TRMT13: variants seen among roughly 807,000 people sequenced by gnomAD.
The protein encoded by TRMT13 is tRNA methyltransferase 13, also known as tRNA:m(4)X modification enzyme TRM13 homolog.
TRMT13 carries 45 observed loss-of-function variants against 55.9 expected under a neutral mutation model. The observed-to-expected ratio is 0.80, with a 90% CI of 0.63 to 1.03. The LOEUF is 1.03. TRMT13 is among the 50% of genes least tolerant of loss of function. The probability of loss-of-function intolerance (pLI) is 0.00; values close to 1 mark genes in which losing one functional copy is unlikely to be tolerated. For synonymous variants in TRMT13, 183 were observed against 196.3 expected, an observed-to-expected ratio of 0.93 and a Z score of 0.57; for missense variants, 513 against 563.9, an observed-to-expected ratio of 0.91 and a Z score of 0.91.
Position 100,148,280 on chromosome 1 carries a change from G to A in TRMT13, c.1204G>A (p.Asp402Asn), listed in dbSNP as rs950891502. The part of the protein sequence containing the change: ...NQNDDSEEHD[D>N]GGYRITDDGA... Reference sequence around the variant, plus strand: ...GAATGATGATAGTGAAGAGCATGATGATGGAGGATACAGAATCACAGATGA... The same window carrying A: ...GAATGATGATAGTGAAGAGCATGATAATGGAGGATACAGAATCACAGATGA... Residue 402 changes from aspartate (D) to asparagine (N), a missense_variant, in exon 10 of 11, where the codon GAT (aspartate) becomes AAT (asparagine). Asp to Asn is a conservative substitution (Grantham distance 23). Transcript: ENST00000370141. The A allele has an allele frequency of 4.3e-6, 7 of 1,614,032 alleles. No individual in the cohort carries two copies. In the African/African-American group the frequency reaches 9.3e-5, roughly 22 times the overall value.
At position 100,147,969 on chromosome 1, in the gene TRMT13, G is replaced by T. The variant is rs779650558; in HGVS notation, c.893G>T (p.Arg298Leu). ...AGGAATGAAGAACCTTTAGCCAAAC[G>T]CATAAAGAATGATAAAACAGAAAAA... The part of the protein sequence containing the change: ...EERNEEPLAK[R>L]IKNDKTEKEI... The change falls in exon 10 of 11, where the codon CGC becomes CTC. Residue 298 changes from arginine to leucine, a missense_variant. Physicochemically the swap from Arg to Leu is moderately radical, Grantham distance 102 (BLOSUM62 -2). Transcript: ENST00000370141. The T allele has an allele frequency of 1.2e-6, 2 of 1,613,722 alleles. No individual in the cohort carries two copies. The highest frequency in any genetic ancestry group is 2.2e-5 in the East Asian group (1 of 44,900).
chr1:100,138,129 C>T (rs757361672), intron 3 of TRMT13, among the ~76,000 whole-genome samples: 12 of 152,024 alleles, frequency 7.9e-5, no homozygotes, highest in South Asian at 6.2e-4. Context: ...AATGATGAGA[C>T]GAAGAAAGAA....
chr1:100,142,344 TAGAG>T (rs1656737540), intron 7 of TRMT13, among the ~76,000 whole-genome samples: 1 of 152,138 alleles, frequency 6.6e-6, no homozygotes, highest in Admixed American at 6.5e-5. Flanking sequence ...GTCTGATACT[TAGAG>T]AGATTAATAA....
chr1:100,141,481 C>A (rs1246736290), intron 7 of TRMT13, among the ~76,000 whole-genome samples: 1 of 152,084 alleles, frequency 6.6e-6, no homozygotes, highest in Non-Finnish European at 1.5e-5. Context: ...AGTCCCACGC[C>A]ACCATGCCCA....
intron 3 of TRMT13, 67 bp downstream of exon 3, chr1:100,137,152 A>G (rs141957685): frequency 3.8e-6 from 5 of 1,326,544 alleles, no homozygotes; most frequent in East Asian, 4.6e-5. Flanking sequence ...GATGCTGCAC[A>G]TGGAATGTAC....
At position 100,140,905 on chromosome 1, in the gene TRMT13, C is replaced by G. The variant is rs773058210; in HGVS notation, c.555C>G (p.Cys185Trp). 5 of 1,613,522 alleles carry G rather than the reference C, an allele frequency of 3.1e-6. No individual in the cohort carries two copies. The highest frequency in any genetic ancestry group is 4.2e-6 in the Non-Finnish European group (5 of 1,179,780). ...TAAAGTTACTTGGTCCAAGAAGATGCTTTGTTGAGTTTGGAGCGGGAAAGG... is the reference window on the plus strand; with the variant it reads ...TAAAGTTACTTGGTCCAAGAAGATGGTTTGTTGAGTTTGGAGCGGGAAAGG... ...ENLKLLGPRR[C>W]FVEFGAGKGK... Residue 185 changes from cysteine (C) to tryptophan (W), a missense_variant, in exon 7 of 11, where the codon TGC becomes TGG. Cys to Trp is a radical substitution (Grantham distance 215). Coordinates refer to ENST00000370141, the MANE Select transcript of TRMT13 (RefSeq NM_019083.3).
At chr1:100,135,595 C>A (rs1570727275) in intron 1 of TRMT13, among the ~76,000 whole-genome samples, 3 of 152,118 alleles carry the variant, frequency 2.0e-5, no homozygotes, top group Admixed American at 2.0e-4. Context: ...GAAGGTAAGA[C>A]ATATTTTTGT....
rs538876163 is a variant in TRMT13, at chr1:100,139,535, G to A, written c.262-114G>A. 8.0e-4 allele frequency: 521 copies of A among 649,768 alleles called. 2 individuals are homozygous for A. The highest frequency in any genetic ancestry group is 7.0e-3 in the Middle Eastern group (26 of 3,712). The allele number at this position is 649,768 out of a possible 1,614,324, so 40.3% of individuals were successfully genotyped here. On this transcript the variant is annotated intron_variant, in intron 3 of 10. Transcript: ENST00000370141. ...TGATTTCATGAAGAAATGAATGGAGGAAGGGAGGATGGCAGGTACAGAGCA... is the reference window on the plus strand; with the variant it reads ...TGATTTCATGAAGAAATGAATGGAGAAAGGGAGGATGGCAGGTACAGAGCA...
chr1:100,142,410 G>A (rs1480660439), intron 7 of TRMT13, among the ~76,000 whole-genome samples: 1 of 152,172 alleles, frequency 6.6e-6, no homozygotes, highest in Admixed American at 6.5e-5. Flanking sequence ...CAGAGCTAAA[G>A]CTATTGCATT....
At chr1:100,147,345 A>G (rs919876231) in intron 9 of TRMT13, among the ~76,000 whole-genome samples, 1 of 152,212 alleles carries the variant, frequency 6.6e-6, no homozygotes, top group African/African-American at 2.4e-5. Flanking sequence ...TAAATACAGT[A>G]AGGCTACTCA....
Position 100,150,059 on chromosome 1 carries a change from T to C in TRMT13, c.*1239T>C, listed in dbSNP as rs1490728957. On this transcript the variant is annotated 3_prime_UTR_variant, in exon 11 of 11. Transcript: ENST00000370141. ...CCTTGGGCATGCTACCTAATCTCTT[T>C]GTGCCTCAATTTCCTCCTTTTAAAA... The C allele has an allele frequency of 6.6e-6, 1 of 152,342 alleles. No individual in the cohort carries two copies. Among genetic ancestry groups the C allele is most frequent in the Non-Finnish European group, 1.5e-5 (1 of 68,166 alleles). 9.4% of individuals were successfully genotyped at this position (152,342 alleles called of 1,614,324 possible).
In TRMT13 at chr1:100,139,653, T is replaced by A; in HGVS notation, c.266T>A (p.Phe89Tyr). The A allele has an allele frequency of 6.5e-7, 1 of 1,537,070 alleles. No individual in the cohort carries two copies. Among genetic ancestry groups the A allele is most frequent in the African/African-American group, 1.4e-5 (1 of 73,234 alleles). The change falls in exon 4 of 11, where the codon TTC (phenylalanine) becomes TAC (tyrosine). Residue 89 changes from phenylalanine (F) to tyrosine (Y), a missense_variant. Coordinates refer to ENST00000370141, the MANE Select transcript of TRMT13 (RefSeq NM_019083.3). ...CNSREKPKPD[F>Y]YIQDINAGLR... ...TATGGTTTTGTTTTTGTTAAGGATT[T>A]CTATATTCAAGATATTAATGCAGGC...
intron 3 of TRMT13, among the ~76,000 whole-genome samples, chr1:100,138,913 G>C (rs1438837072): frequency 1.3e-5 from 2 of 152,130 alleles, no homozygotes; most frequent in Non-Finnish European, 2.9e-5. Context: ...TCCTTACCTA[G>C]AATCTGTATT....
rs373612434 is a variant in TRMT13 at position 100,140,484 on chromosome 1, C to T, written c.471C>T (p.Gly157=). 1.1e-5 allele frequency: 18 copies of T among 1,613,692 alleles called. No individual in the cohort carries two copies. Among genetic ancestry groups the T allele is most frequent in the African/African-American group, 1.3e-5 (1 of 74,894 alleles). ...ATGCACTTAATGACCCTAAAAATGG[C>T]GATTCTGCAACCAAGCACCTGAAAC... ...LHDALNDPKN[G]DSATKHLKQQ... The change falls in exon 6 of 11, where the codon GGC becomes GGT. Residue 157 remains glycine (G), a synonymous_variant. Transcript: ENST00000370141.
Position 100,140,925 on chromosome 1 carries a change from G to A in TRMT13, c.575G>A (p.Gly192Glu), listed in dbSNP as rs1214597162. The A allele has an allele frequency of 6.2e-7, 1 of 1,613,846 alleles. No homozygotes were observed. The highest frequency in any genetic ancestry group is 8.5e-7 in the Non-Finnish European group (1 of 1,179,870). ...AGATGCTTTGTTGAGTTTGGAGCGG[G>A]AAAGGGAAAATTATCTCATTGGGTT... Reference protein sequence around the residue: ...PRRCFVEFGAGKGKLSHWVDI... With the variant: ...PRRCFVEFGAEKGKLSHWVDI... Residue 192 changes from glycine to glutamate, a missense_variant, in exon 7 of 11, where the codon GGA (glycine) becomes GAA (glutamate). Gly to Glu is a moderately conservative substitution (Grantham distance 98). Coordinates refer to ENST00000370141, the MANE Select transcript of TRMT13 (RefSeq NM_019083.3).
rs932145620 is a variant in TRMT13, at chr1:100,149,960, C to G, written c.*1140C>G. The G allele has an allele frequency of 2.0e-5, 3 of 152,552 alleles. No homozygotes were observed. The highest frequency in any genetic ancestry group is 7.2e-5 in the African/African-American group (3 of 41,446). 9.4% of individuals were successfully genotyped at this position (152,552 alleles called of 1,614,324 possible). ...TAAGAAGCCTAACCAATTTAAAATTCCTGACTTTAGTCTCATATATCTTGT... is the reference window on the plus strand; with the variant it reads ...TAAGAAGCCTAACCAATTTAAAATTGCTGACTTTAGTCTCATATATCTTGT... On this transcript the variant is annotated 3_prime_UTR_variant, in exon 11 of 11. Transcript: ENST00000370141.
rs1353867148 is a variant in TRMT13 at position 100,133,305 on chromosome 1, G to T, written c.137G>T (p.Gly46Val). 1 of 1,614,132 alleles carries T rather than the reference G, an allele frequency of 6.2e-7. No homozygotes were observed. Among genetic ancestry groups the T allele is most frequent in the East Asian group, 2.2e-5 (1 of 44,874 alleles). ...AAAAGATTTTGTGGTGAACACGCTG[G>T]AGCCGCGGAGGTGTGGTATCGCCCT... Reference protein sequence around the residue: ...AGKRFCGEHAGAAEEEDARKR... With the variant: ...AGKRFCGEHAVAAEEEDARKR... Residue 46 changes from glycine to valine, a missense_variant, in exon 1 of 11, where the codon GGA becomes GTA. By Grantham distance (109) the Gly-to-Val change is moderately radical. This residue lies in a region of TRMT13 where 298 missense variants were observed against 290.3 expected (regional missense o/e 1.03). Transcript: ENST00000370141.
intron 1 of TRMT13, 78 bp downstream of exon 1, chr1:100,133,393 C>T (rs1260479546): frequency 6.7e-6 from 10 of 1,483,240 alleles, no homozygotes; most frequent in African/African-American, 1.4e-5. Context: ...GGCCCCTCCC[C>T]TCTTTGACAG....
intron 1 of TRMT13, 58 bp downstream of exon 1, chr1:100,133,373 G>C (rs897862745): frequency 7.1e-6 from 11 of 1,554,860 alleles, no homozygotes; most frequent in African/African-American, 1.4e-5. Context: ...TCCTGTCGGT[G>C]CTGGAACCCG....
Sources: gnomAD v4.1 joint callset for allele counts (sites outside exome capture counted in the v4.1 genomes callset) on GRCh38, gnomAD v4.1.1 for gene constraint, gnomAD v4.1.1 regional missense constraint, MANE v1.5 for transcripts, NCBI Gene and HGNC (gene_info 2026-07-23, HGNC 2026-07-21) for gene names.